The following FAM135B variants were observed in gnomAD, a reference collection of about 807,000 sequenced individuals.
FAM135B encodes the protein protein FAM135B.
In FAM135B, 43 loss-of-function variants were observed where a neutral mutation model predicts 127.7. That is an observed-to-expected ratio of 0.34 (90% CI 0.26 to 0.43). The LOEUF (loss-of-function observed/expected upper bound fraction) is 0.43. Among genes scored for constraint, FAM135B ranks in the 20% least tolerant of loss-of-function variants. FAM135B has a pLI of 1.00. For synonymous variants in FAM135B, 670 were observed against 665.1 expected (o/e 1.01, Z -0.11); for missense variants, 1,558 against 1,725.6 (o/e 0.90, Z 1.72).
intron 1 of FAM135B, among the ~76,000 whole-genome samples, chr8:138,496,045 T>G (rs1036793215): frequency 7.9e-5 from 12 of 152,090 alleles, no homozygotes; most frequent in African/African-American, 2.9e-4. Flanking sequence ...TTATTTCTAT[T>G]CCCATCCTAT....
At chr8:138,184,880 G>T (rs1402835242) in intron 9 of FAM135B, among the ~76,000 whole-genome samples, 1 of 152,192 alleles carries the variant, frequency 6.6e-6, no homozygotes, top group Non-Finnish European at 1.5e-5. Context: ...CAGCTCAAAA[G>T]AATCAGAATG....
intron 17 of FAM135B, among the ~76,000 whole-genome samples, chr8:138,140,067 GT>G (rs1816998324): frequency 6.6e-6 from 1 of 152,196 alleles, no homozygotes; most frequent in Non-Finnish European, 1.5e-5. Context: ...CTTTATAACT[GT>G]GGGGGAAAAA....
chr8:138,466,633 T>C (rs976405439), intron 1 of FAM135B, among the ~76,000 whole-genome samples: 1 of 152,134 alleles, frequency 6.6e-6, no homozygotes, highest in Non-Finnish European at 1.5e-5. Flanking sequence ...AAGAATGACG[T>C]TGTGTCTTAC....
intron 1 of FAM135B, among the ~76,000 whole-genome samples, chr8:138,448,701 A>T (rs1836328287): frequency 6.6e-6 from 1 of 151,912 alleles, no homozygotes; most frequent in African/African-American, 2.4e-5. Flanking sequence ...TAATAATATC[A>T]TGAAACTAAC....
At chr8:138,300,897 T>C (rs1825838641) in intron 3 of FAM135B, among the ~76,000 whole-genome samples, 1 of 151,936 alleles carries the variant, frequency 6.6e-6, no homozygotes, top group African/African-American at 2.4e-5. Flanking sequence ...ACTATAGGCA[T>C]GCACCAACAC....
At chr8:138,387,744 A>G (rs1186049584) in intron 1 of FAM135B, among the ~76,000 whole-genome samples, 1 of 152,158 alleles carries the variant, frequency 6.6e-6, no homozygotes, top group Non-Finnish European at 1.5e-5. Flanking sequence ...ATACCCAGGT[A>G]CCCAGTGCCA....
chr8:138,303,488 G>A (rs976320504), intron 3 of FAM135B, among the ~76,000 whole-genome samples: 5 of 152,188 alleles, frequency 3.3e-5, no homozygotes, highest in Non-Finnish European at 2.9e-5. Flanking sequence ...TAATGTATGC[G>A]GGGCTTAAAA....
At chr8:138,349,644 GATGA>G (rs5895515) in intron 2 of FAM135B, among the ~76,000 whole-genome samples, 143,894 of 151,464 alleles carry the variant, frequency 0.95, 68,659 homozygotes, top group East Asian at 1. Context: ...AGATAAAATA[GATGA>G]ATGAATGAAT....
intron 1 of FAM135B, among the ~76,000 whole-genome samples, chr8:138,449,799 T>A (rs901894447): frequency 6.6e-6 from 1 of 152,156 alleles, no homozygotes. Context: ...TTACAACTGA[T>A]GAAACTGCAG....
At chr8:138,340,989 T>C (rs1270979198) in intron 2 of FAM135B, among the ~76,000 whole-genome samples, 1 of 152,196 alleles carries the variant, frequency 6.6e-6, no homozygotes, top group Non-Finnish European at 1.5e-5. Flanking sequence ...ACTGTCTCAC[T>C]GTCTAGTACT....
At chr8:138,266,545 A>C (rs1822934724) in intron 3 of FAM135B, among the ~76,000 whole-genome samples, 1 of 151,800 alleles carries the variant, frequency 6.6e-6, no homozygotes, top group African/African-American at 2.4e-5. Context: ...ATTACTTAAC[A>C]CATAAACTAT....
At chr8:138,428,838 T>C (rs1213846301) in intron 1 of FAM135B, among the ~76,000 whole-genome samples, 2 of 152,232 alleles carry the variant, frequency 1.3e-5, no homozygotes, top group South Asian at 2.1e-4. Flanking sequence ...CTTCTATTTA[T>C]ACCTCGAAAT....
At chr8:138,186,820 T>C (rs1441269944) in intron 9 of FAM135B, among the ~76,000 whole-genome samples, 5 of 152,212 alleles carry the variant, frequency 3.3e-5, no homozygotes, top group Non-Finnish European at 7.3e-5. Flanking sequence ...GCCTGCGTCC[T>C]AACCCCTGAA....
intron 16 of FAM135B, among the ~76,000 whole-genome samples, chr8:138,142,265 G>A (rs1586581271): frequency 6.7e-6 from 1 of 148,846 alleles, no homozygotes; most frequent in Non-Finnish European, 1.5e-5. Flanking sequence ...TCTCTTTGGG[G>A]TGGGCAACTC....
At chr8:138,337,590 T>A (rs1354249867) in intron 2 of FAM135B, among the ~76,000 whole-genome samples, 5 of 152,128 alleles carry the variant, frequency 3.3e-5, no homozygotes, top group African/African-American at 1.2e-4. Flanking sequence ...TACAAACCAC[T>A]GCTCAATGAA....
At chr8:138,325,263 T>C (rs923969134) in intron 2 of FAM135B, among the ~76,000 whole-genome samples, 8 of 152,212 alleles carry the variant, frequency 5.3e-5, no homozygotes, top group African/African-American at 1.4e-4. Flanking sequence ...CCAAAAATAG[T>C]TGCTGCATGC....
chr8:138,486,943 T>G (rs1309590334), intron 1 of FAM135B, among the ~76,000 whole-genome samples: 1 of 152,110 alleles, frequency 6.6e-6, no homozygotes, highest in Non-Finnish European at 1.5e-5. Flanking sequence ...GTTCCTGGGA[T>G]GAAGGACTTT....
chr8:138,337,863 G>A (rs1315643438), intron 2 of FAM135B, among the ~76,000 whole-genome samples: 5 of 152,030 alleles, frequency 3.3e-5, no homozygotes, highest in Non-Finnish European at 7.4e-5. Flanking sequence ...AAACTATACT[G>A]CAAGGCTACA....
chr8:138,379,697 G>A (rs1587292023), intron 1 of FAM135B, among the ~76,000 whole-genome samples: 1 of 152,164 alleles, frequency 6.6e-6, no homozygotes, highest in Non-Finnish European at 1.5e-5. Flanking sequence ...TCTGGGACCT[G>A]AGGGAGACAG....
Sources: gnomAD v4.1 joint callset for allele counts (sites outside exome capture counted in the v4.1 genomes callset) on GRCh38, gnomAD v4.1.1 for gene constraint, MANE v1.5 for transcripts, NCBI Gene and HGNC (gene_info 2026-07-23, HGNC 2026-07-21) for gene names.